The following WDR11 variants were observed in gnomAD, a reference collection of about 807,000 sequenced individuals.
The protein encoded by WDR11 is WD repeat domain 11, also known as WD repeat-containing protein 11.
In WDR11, 83 loss-of-function variants were observed where a neutral mutation model predicts 151.2. That is an observed-to-expected ratio of 0.55 (90% CI 0.46 to 0.66). WDR11 has a LOEUF of 0.66. Ranked by LOEUF, WDR11 falls within the 30% of genes least tolerant of loss-of-function variation. WDR11 has a pLI of 0.00. For synonymous variants in WDR11, 484 were observed against 533.1 expected, an observed-to-expected ratio of 0.91 and a Z score of 1.27; for missense variants, 1,301 against 1,480.9, an observed-to-expected ratio of 0.88 and a Z score of 1.99.
Position 120,904,638 on chromosome 10 carries a change from C to T in WDR11, c.3028-8C>T. 1 of 1,614,118 alleles carries T rather than the reference C, an allele frequency of 6.2e-7. No individual in the cohort carries two copies. The highest frequency in any genetic ancestry group is 8.5e-7 in the Non-Finnish European group (1 of 1,180,010). ...TCTCATAATTAGAAAAACCGTTTCT[C>T]TTACTAGACAGACAGAGCTGTGCAG... On this transcript the variant is annotated splice_region_variant and splice_polypyrimidine_tract_variant and intron_variant, in intron 24 of 28. Transcript: ENST00000263461.
rs763258664 is a variant in WDR11 at position 120,865,124 on chromosome 10, A to G, written c.791A>G (p.Tyr264Cys). ...AAAAGGAATCACATGTTGTTGCTCT[A>G]TCCTCGAGAGATTTTAATCCTTGAC... is the stretch of plus-strand genomic sequence containing the variant. ...PSKRNHMLLL[Y>C]PREILILDLE... The change falls in exon 6 of 29, where the codon TAT becomes TGT. Residue 264 changes from tyrosine (Y) to cysteine (C), a missense_variant. This residue lies in a region of WDR11 where 692 missense variants were observed against 762.5 expected (regional missense o/e 0.91). Coordinates refer to ENST00000263461, the MANE Select transcript of WDR11 (RefSeq NM_018117.12). 1.1e-5 allele frequency: 17 copies of G among 1,613,862 alleles called. No individual in the cohort carries two copies. Among genetic ancestry groups the G allele is most frequent in the East Asian group, 2.2e-5 (1 of 44,850 alleles).
Position 120,865,755 on chromosome 10 carries a change from G to A in WDR11, c.994+11G>A. The stretch of plus-strand genomic sequence containing the variant: ...CAAATGAGGAACCAGGTGAGTTTCT[G>A]TCTCACAATAATGTTATATTTTTCT... On this transcript the variant is annotated intron_variant, in intron 7 of 28. Coordinates refer to ENST00000263461, the MANE Select transcript of WDR11 (RefSeq NM_018117.12). 3.3e-6 allele frequency: 5 copies of A among 1,531,088 alleles called. No individual in the cohort carries two copies. The highest frequency in any genetic ancestry group is 1.1e-5 in the South Asian group (1 of 88,730). 94.8% of individuals were successfully genotyped at this position (1,531,088 alleles called of 1,614,324 possible).
chr10:120,867,711 G>GT (rs1846364559), intron 9 of WDR11, among the ~76,000 whole-genome samples: 1 of 152,122 alleles, frequency 6.6e-6, no homozygotes. Flanking sequence ...CACAAGGGTG[G>GT]TACAGTGTTT....
intron 13 of WDR11, among the ~76,000 whole-genome samples, chr10:120,882,109 G>GGT (rs1229949868): frequency 3.3e-5 from 5 of 151,846 alleles, no homozygotes; most frequent in African/African-American, 4.8e-5. Flanking sequence ...ATCATCATAT[G>GGT]GTGTGTGTGT....
intron 14 of WDR11, among the ~76,000 whole-genome samples, chr10:120,885,286 T>C (rs1550346): frequency 0.38 from 55,242 of 147,066 alleles, 10,324 homozygotes; most frequent in Admixed American, 0.44. Context: ...TATATATATA[T>C]ACACACACAC....
intron 26 of WDR11, 166 bp downstream of exon 26, chr10:120,905,582 C>A: frequency 2.5e-6 from 2 of 802,244 alleles, no homozygotes; most frequent in Non-Finnish European, 4.1e-6. Context: ...GTGTAAATTG[C>A]ATTACTTATT....
Position 120,888,537 on chromosome 10 carries a change from G to C in WDR11, c.2122-541G>C, listed in dbSNP as rs570549632. Among the ~76,000 whole-genome samples the C allele has an allele frequency of 2.0e-5, 3 of 152,326 alleles. No individual in the cohort carries two copies. In the South Asian group the frequency reaches 6.2e-4, roughly 32 times the overall value. On this transcript the variant is annotated intron_variant, in intron 16 of 28. Transcript: ENST00000263461. The stretch of plus-strand genomic sequence containing the variant: ...CTTCTATATGTAACTTCTGAGCAAA[G>C]CTTTCTGTGAATTTAAACTGCATAT...
rs1204255391 is a variant in WDR11, at chr10:120,883,836, C to A, written c.1796C>A (p.Thr599Asn). 1.2e-6 allele frequency: 2 copies of A among 1,613,406 alleles called. No homozygotes were observed. Among genetic ancestry groups the A allele is most frequent in the Non-Finnish European group, 1.7e-6 (2 of 1,179,632 alleles). ...CCCCTGGAGCTATGGGATGTTAGGA[C>A]TTGTACCCTTCTTAGAGAGATGTCC... ...DKPLELWDVR[T>N]CTLLREMSKN... Residue 599 changes from threonine to asparagine, a missense_variant, in exon 14 of 29, where the codon ACT (threonine) becomes AAT (asparagine). This residue lies in a region of WDR11 where 692 missense variants were observed against 762.5 expected (regional missense o/e 0.91). Coordinates refer to ENST00000263461, the MANE Select transcript of WDR11 (RefSeq NM_018117.12).
At chr10:120,859,137 C>G (rs957070802) in intron 3 of WDR11, among the ~76,000 whole-genome samples, 1 of 152,148 alleles carries the variant, frequency 6.6e-6, no homozygotes, top group Non-Finnish European at 1.5e-5. Context: ...AACTAGCCAT[C>G]AGTGCTTACT....
chr10:120,857,733 T>C (rs1286669863), intron 2 of WDR11, among the ~76,000 whole-genome samples: 1 of 152,206 alleles, frequency 6.6e-6, no homozygotes. Context: ...CATATATAGG[T>C]ATATACATTT....
intron 13 of WDR11, 113 bp downstream of exon 13, chr10:120,881,014 T>C: frequency 1.1e-6 from 1 of 905,320 alleles, no homozygotes; most frequent in Middle Eastern, 3.3e-4. Context: ...ATCTTTTTAG[T>C]GATAGCAAAT....
intron 19 of WDR11, among the ~76,000 whole-genome samples, chr10:120,897,207 G>A (rs995376801): frequency 6.6e-6 from 1 of 152,156 alleles, no homozygotes; most frequent in Admixed American, 6.5e-5. Context: ...GTAAGGAAAC[G>A]GGAAGTGGGC....
At chr10:120,880,021 C>T (rs1033857693) in intron 12 of WDR11, 1 of 152,092 alleles carries the variant, frequency 6.6e-6, no homozygotes, top group Non-Finnish European at 1.5e-5. Context: ...TTGAGAGGAA[C>T]ATGTTCAAAA....
intron 2 of WDR11, 44 bp downstream of exon 2, chr10:120,852,679 A>G (rs773612267): frequency 1.3e-6 from 2 of 1,498,262 alleles, no homozygotes; most frequent in Admixed American, 1.7e-5. Flanking sequence ...GTCTAGTCTA[A>G]AGTTTAATAC....
At position 120,905,948 on chromosome 10, in the gene WDR11, A is replaced by G. The variant is rs1287841067; in HGVS notation, c.3364A>G (p.Asn1122Asp). 4 of 1,614,140 alleles carry G rather than the reference A, an allele frequency of 2.5e-6. No homozygotes were observed. Among genetic ancestry groups the G allele is most frequent in the Non-Finnish European group, 3.4e-6 (4 of 1,180,012 alleles). Reference sequence around the variant, plus strand: ...TGACCACCTTTGTTCTCCACAAGTCAATCAGAAATCAAAGGCTCTCCTGGT... The same window carrying G: ...TGACCACCTTTGTTCTCCACAAGTCGATCAGAAATCAAAGGCTCTCCTGGT... The part of the protein sequence containing the change: ...WVDHLCSPQV[N>D]QKSKALLVLL... Residue 1122 changes from asparagine (N) to aspartate (D), a missense_variant, in exon 27 of 29, where the codon AAT becomes GAT. Physicochemically the swap from Asn to Asp is conservative, Grantham distance 23 (BLOSUM62 1). This residue lies in a region of WDR11 where 589 missense variants were observed against 670.6 expected (regional missense o/e 0.88). Transcript: ENST00000263461.
intron 6 of WDR11, 69 bp downstream of exon 6, chr10:120,865,281 C>T (rs932710274): frequency 3.4e-5 from 50 of 1,474,446 alleles, no homozygotes; most frequent in Non-Finnish European, 4.6e-5. Flanking sequence ...AGGCCATAAT[C>T]TTGCATAAGT....
intron 19 of WDR11, among the ~76,000 whole-genome samples, chr10:120,897,454 G>C (rs1847652664): frequency 6.6e-6 from 1 of 152,198 alleles, no homozygotes; most frequent in Non-Finnish European, 1.5e-5. Flanking sequence ...AAGGTGCCCT[G>C]ATAAGAGCTC....
At chr10:120,888,730 T>G (rs147444696) in intron 16 of WDR11, among the ~76,000 whole-genome samples, 43 of 152,358 alleles carry the variant, frequency 2.8e-4, no homozygotes, top group African/African-American at 9.4e-4. Context: ...CAGTGAGAGA[T>G]AAGTTTGAGT....
At position 120,889,937 on chromosome 10, in the gene WDR11, T is replaced by C. The variant is rs368776433; in HGVS notation, c.2271T>C (p.Phe757=). ...GAAGTTGGGTGAGGAAGATTCGTTT[T>C]GCTCCTGGTAAAGGAAATCAAAAAT... ...THRSWVRKIR[F]APGKGNQKLI... is the part of the protein sequence containing the mutation. The change falls in exon 18 of 29, where the codon TTT becomes TTC. Residue 757 remains phenylalanine (F), a synonymous_variant. Transcript: ENST00000263461. The C allele has an allele frequency of 9.9e-6, 16 of 1,614,158 alleles. No individual in the cohort carries two copies. The highest frequency in any genetic ancestry group is 6.6e-5 in the South Asian group (6 of 91,082).
Sources: allele counts gnomAD v4.1 joint callset (sites outside exome capture counted in the v4.1 genomes callset), GRCh38; gene constraint gnomAD v4.1.1; regional missense constraint gnomAD v4.1.1; transcripts MANE v1.5; gene names NCBI Gene and HGNC (gene_info 2026-07-23, HGNC 2026-07-21).